IGF1R: variants seen among roughly 807,000 people sequenced by gnomAD.
The protein encoded by IGF1R is insulin-like growth factor 1 receptor.
Under a neutral mutation model 144.6 loss-of-function variants are expected in IGF1R, and 44 were observed. That is an observed-to-expected ratio of 0.30 (90% CI 0.24 to 0.39). The LOEUF is 0.39. IGF1R is among the 10% of genes least tolerant of loss of function. IGF1R has a pLI of 1.00. For synonymous variants in IGF1R, 795 were observed against 722.8 expected, an observed-to-expected ratio of 1.10 and a Z score of -1.60; for missense variants, 1,355 against 1,833.7, an observed-to-expected ratio of 0.74 and a Z score of 4.77.
intron 1 of IGF1R, among the ~76,000 whole-genome samples, chr15:98,657,936 G>A (rs1318919454): frequency 6.6e-6 from 1 of 152,182 alleles, no homozygotes; most frequent in Non-Finnish European, 1.5e-5. Flanking sequence ...GTGCAGACCT[G>A]CATTGACTCT....
At chr15:98,786,879 T>C (rs2056011310) in intron 2 of IGF1R, among the ~76,000 whole-genome samples, 1 of 152,118 alleles carries the variant, frequency 6.6e-6, no homozygotes, top group South Asian at 2.1e-4. Flanking sequence ...TTTGTTGCCG[T>C]CCTAACCTTT....
intron 1 of IGF1R, chr15:98,650,896 G>C: frequency 1.0e-6 from 1 of 984,716 alleles, no homozygotes; most frequent in Non-Finnish European, 1.2e-6. Context: ...GGTTAGTAGG[G>C]AAGCGCGGGG....
intron 1 of IGF1R, among the ~76,000 whole-genome samples, chr15:98,673,280 A>G (rs1360181372): frequency 6.6e-6 from 1 of 152,130 alleles, no homozygotes; most frequent in African/African-American, 2.4e-5. Context: ...TGGTTAATTG[A>G]TGTACTGGTG....
intron 2 of IGF1R, chr15:98,784,402 A>G (rs1182489988): frequency 2.6e-5 from 4 of 153,942 alleles, no homozygotes; most frequent in African/African-American, 9.6e-5. Flanking sequence ...ACTGCTAGAA[A>G]GAATTTCTGC....
At chr15:98,699,593 C>T (rs531513421) in intron 1 of IGF1R, among the ~76,000 whole-genome samples, 2 of 152,180 alleles carry the variant, frequency 1.3e-5, no homozygotes, top group African/African-American at 2.4e-5. Context: ...TGTTTGGCTA[C>T]AGATGCTTTC....
intron 8 of IGF1R, among the ~76,000 whole-genome samples, chr15:98,914,152 A>G (rs776525847): frequency 2.1e-4 from 32 of 152,310 alleles, no homozygotes; most frequent in Non-Finnish European, 2.6e-4. Flanking sequence ...GGGGCCTCTC[A>G]TAGAAGGGCC....
chr15:98,815,796 G>A (rs943544422), intron 2 of IGF1R, among the ~76,000 whole-genome samples: 4 of 152,164 alleles, frequency 2.6e-5, no homozygotes, highest in Non-Finnish European at 5.9e-5. Flanking sequence ...TTCTACCTAA[G>A]TTTGATGTGG....
rs371849548 is a variant in IGF1R, at chr15:98,939,373, C to T, written c.3457+13C>T. 2.0e-5 allele frequency: 32 copies of T among 1,613,826 alleles called. No homozygotes were observed. In the African/African-American group the frequency reaches 4.3e-4, roughly 22 times the overall value. ...GTCAAAATCGGAGGTGTGTCCTTAG[C>T]TTTCCAGGTCTGGGCAAGAACTAAA... On this transcript the variant is annotated intron_variant, in intron 18 of 20. Transcript: ENST00000650285.
chr15:98,650,010 G>C (rs2052311124), intron 1 of IGF1R, among the ~76,000 whole-genome samples: 1 of 152,126 alleles, frequency 6.6e-6, no homozygotes, highest in Admixed American at 6.5e-5. Flanking sequence ...CGCGGTTCCC[G>C]GGCCCCGCGA....
At chr15:98,721,185 C>G (rs930142263) in intron 2 of IGF1R, among the ~76,000 whole-genome samples, 1 of 152,200 alleles carries the variant, frequency 6.6e-6, no homozygotes, top group Admixed American at 6.5e-5. Flanking sequence ...CCCCCCAAAT[C>G]TTCCTTACTG....
At chr15:98,817,363 T>C (rs1473410260) in intron 2 of IGF1R, among the ~76,000 whole-genome samples, 2 of 151,668 alleles carry the variant, frequency 1.3e-5, no homozygotes, top group African/African-American at 4.8e-5. Context: ...GGGGTGGGGA[T>C]GGTAGGATGC....
chr15:98,662,210 G>C (rs975109886), intron 1 of IGF1R, among the ~76,000 whole-genome samples: 2 of 151,730 alleles, frequency 1.3e-5, no homozygotes, highest in African/African-American at 4.8e-5. Flanking sequence ...CAAACTCCTG[G>C]CCTCAAGCAA....
chr15:98,810,710 G>A (rs914461316), intron 2 of IGF1R, among the ~76,000 whole-genome samples: 46 of 151,748 alleles, frequency 3.0e-4, no homozygotes, highest in Non-Finnish European at 6.0e-4. Context: ...CACCACGCCC[G>A]GCTTATTTTT....
intron 19 of IGF1R, 105 bp from the exon 20 acceptor site, chr15:98,948,468 TA>T (rs2016641227): frequency 8.2e-7 from 1 of 1,217,562 alleles, no homozygotes; most frequent in Non-Finnish European, 1.2e-6. Context: ...GTCACCATAG[TA>T]AGGACAGTTT....
At chr15:98,693,304 A>G (rs1177087713) in intron 1 of IGF1R, among the ~76,000 whole-genome samples, 1 of 152,130 alleles carries the variant, frequency 6.6e-6, no homozygotes, top group Non-Finnish European at 1.5e-5. Context: ...TGCCATTTCC[A>G]TGTAGAGGGG....
intron 2 of IGF1R, among the ~76,000 whole-genome samples, chr15:98,888,513 CT>C (rs1207414882): frequency 6.6e-6 from 1 of 151,566 alleles, no homozygotes; most frequent in Non-Finnish European, 1.5e-5. Context: ...GTGTTATCCT[CT>C]TCAAGAAAGT....
At chr15:98,724,823 A>G (rs541923595) in intron 2 of IGF1R, among the ~76,000 whole-genome samples, 1 of 152,260 alleles carries the variant, frequency 6.6e-6, no homozygotes, top group South Asian at 2.1e-4. Flanking sequence ...CCTGTGCAGT[A>G]CCTGTGGATT....
Position 98,811,702 on chromosome 15 carries a change from G to T in IGF1R, c.641-79623G>T, listed in dbSNP as rs907972498. Among the ~76,000 whole-genome samples the T allele has an allele frequency of 3.3e-5, 5 of 151,870 alleles. No individual in the cohort carries two copies. In the East Asian group the frequency reaches 9.8e-4, roughly 30 times the overall value. ...AGCACTTTGGGAGGCCGAGGCGGGC[G>T]GATCACGAGGTCAGGAGATCCAGAC... On this transcript the variant is annotated intron_variant, in intron 2 of 20. Coordinates refer to ENST00000650285, the MANE Select transcript of IGF1R (RefSeq NM_000875.5).
chr15:98,806,543 A>G (rs927788307), intron 2 of IGF1R, among the ~76,000 whole-genome samples: 26 of 152,098 alleles, frequency 1.7e-4, no homozygotes, highest in Non-Finnish European at 3.7e-4. Flanking sequence ...TCTCATTGGT[A>G]TTTGTGGGAA....
Sources: allele counts gnomAD v4.1 joint callset (sites outside exome capture counted in the v4.1 genomes callset), GRCh38; gene constraint gnomAD v4.1.1; transcripts MANE v1.5; gene names NCBI Gene and HGNC (gene_info 2026-07-23, HGNC 2026-07-21).